The following EXD3 variants were observed in gnomAD, a reference collection of about 807,000 sequenced individuals.
EXD3 encodes the protein exonuclease mut-7 homolog.
In EXD3, 92 loss-of-function variants were observed where a neutral mutation model predicts 98.0. The ratio of observed to expected loss-of-function variants is 0.94; its 90% CI spans 0.79 to 1.12. The LOEUF is 1.12. Ranked by LOEUF, EXD3 falls within the 50% of genes most tolerant of loss-of-function variation. EXD3 has a pLI of 0.00. For missense variants in EXD3, 1,222 were observed against 1,191.6 expected (o/e 1.03, Z -0.38); for synonymous variants, 569 against 526.0 (o/e 1.08, Z -1.12).
At chr9:137,350,933 C>T (rs1432993686) in intron 14 of EXD3, 105 bp downstream of exon 14, 20 of 866,102 alleles carry the variant, frequency 2.3e-5, no homozygotes, top group East Asian at 8.0e-5. Context: ...GACAGGAATC[C>T]GGCGGGAGAA....
At chr9:137,375,993 T>C (rs150131737) in intron 3 of EXD3, among the ~76,000 whole-genome samples, 1,602 of 152,254 alleles carry the variant, frequency 0.011, 15 homozygotes, top group Middle Eastern at 0.037. Context: ...TGTTCACTTA[T>C]ATTTTACTCT....
At chr9:137,326,119 GAAC>G (rs2119111502) in intron 17 of EXD3, among the ~76,000 whole-genome samples, 2 of 151,816 alleles carry the variant, frequency 1.3e-5, no homozygotes, top group East Asian at 3.9e-4. Flanking sequence ...AGACACAGGG[GAAC>G]ACTTCCTGGC....
At chr9:137,355,464 A>G (rs1412869231) in intron 8 of EXD3, among the ~76,000 whole-genome samples, 1 of 27,934 alleles carries the variant, frequency 3.6e-5, no homozygotes, top group Admixed American at 4.6e-4. Context: ...GGAAGGAGAA[A>G]GGAGGAAGGA....
chr9:137,414,950 C>T (rs1379818891), intron 1 of EXD3, among the ~76,000 whole-genome samples: 3 of 152,160 alleles, frequency 2.0e-5, no homozygotes, highest in South Asian at 2.1e-4. Flanking sequence ...TGCAGGGGGG[C>T]GATCTCGGCT....
chr9:137,409,637 T>G (rs1196971131), intron 1 of EXD3, among the ~76,000 whole-genome samples: 2 of 150,954 alleles, frequency 1.3e-5, no homozygotes, highest in Non-Finnish European at 3.0e-5. Context: ...GACCTAAAAA[T>G]GGCCAAGTGG....
intron 17 of EXD3, among the ~76,000 whole-genome samples, chr9:137,343,807 C>T (rs1406640297): frequency 6.7e-6 from 1 of 148,454 alleles, no homozygotes; most frequent in Non-Finnish European, 1.5e-5. Flanking sequence ...CCAGGGTGGT[C>T]TTGATCTCCT....
chr9:137,400,512 T>C (rs185873510), intron 1 of EXD3, among the ~76,000 whole-genome samples: 118 of 152,240 alleles, frequency 7.8e-4, no homozygotes, highest in South Asian at 2.1e-3. Context: ...ATTCTTATAA[T>C]CCCAGCACTT....
intron 2 of EXD3, among the ~76,000 whole-genome samples, chr9:137,394,794 A>G (rs1287814401): frequency 1.3e-5 from 2 of 152,116 alleles, no homozygotes; most frequent in Admixed American, 1.3e-4. Flanking sequence ...GGGAGGGCAG[A>G]TGTTCTTCTT....
At chr9:137,412,585 C>A (rs528204953) in intron 1 of EXD3, among the ~76,000 whole-genome samples, 10 of 152,110 alleles carry the variant, frequency 6.6e-5, no homozygotes, top group African/African-American at 2.2e-4. Flanking sequence ...AGGGTGGATA[C>A]CCCAGAGCCC....
chr9:137,417,266 G>A (rs73565529), intron 1 of EXD3, among the ~76,000 whole-genome samples: 2,823 of 152,336 alleles, frequency 0.019, 75 homozygotes, highest in African/African-American at 0.063. Flanking sequence ...GGGATGGCCA[G>A]TTTCCCACGG....
intron 7 of EXD3, among the ~76,000 whole-genome samples, chr9:137,359,025 C>A (rs1268002584): frequency 6.8e-6 from 1 of 146,622 alleles, no homozygotes; most frequent in African/African-American, 2.5e-5. Context: ...CGGCTCACTG[C>A]AAGCTCCGCC....
intron 3 of EXD3, 68 bp from the exon 4 acceptor site, chr9:137,373,667 C>A: frequency 6.9e-7 from 1 of 1,458,318 alleles, no homozygotes; most frequent in South Asian, 1.3e-5. Context: ...GGCCTCCCCA[C>A]CGCAGAGAGG....
At chr9:137,397,744 T>A (rs1370703597) in intron 1 of EXD3, among the ~76,000 whole-genome samples, 1 of 151,838 alleles carries the variant, frequency 6.6e-6, no homozygotes, top group African/African-American at 2.4e-5. Context: ...AGCCCAGGAG[T>A]TTGAGACCAT....
chr9:137,356,710 A>G (rs1345398053), intron 7 of EXD3, among the ~76,000 whole-genome samples: 2 of 152,166 alleles, frequency 1.3e-5, no homozygotes, highest in Non-Finnish European at 2.9e-5. Flanking sequence ...CTCACTGGTG[A>G]TATTCTGGCT....
intron 17 of EXD3, among the ~76,000 whole-genome samples, chr9:137,338,536 T>C (rs1374774641): frequency 2.0e-5 from 3 of 151,808 alleles, no homozygotes; most frequent in African/African-American, 4.8e-5. Context: ...ATTGATGAGA[T>C]AGACAACAAA....
At chr9:137,376,364 A>G (rs1161894539) in intron 3 of EXD3, among the ~76,000 whole-genome samples, 1 of 151,036 alleles carries the variant, frequency 6.6e-6, no homozygotes, top group Non-Finnish European at 1.5e-5. Flanking sequence ...AAAAAAAAAA[A>G]AAAAGAAATG....
In EXD3 at chr9:137,348,109, T is replaced by G; in HGVS notation, c.1960A>C (p.Met654Leu). 6.2e-7 allele frequency: 1 copy of G among 1,612,050 alleles called. No individual in the cohort carries two copies. The highest frequency in any genetic ancestry group is 1.1e-5 in the South Asian group (1 of 90,984). ...CGGTGGTCTTCACCATTGCCCAGCA[T>G]GCGTGCATCCACACCGAGACAGCGG... is the stretch of plus-strand genomic sequence containing the variant. ...SLRCLGVDAR[M>L]LGNGEDHRRA... Residue 654 changes from methionine to leucine, a missense_variant, in exon 17 of 22, where the codon ATG becomes CTG. Coordinates refer to ENST00000340951, the MANE Select transcript of EXD3 (RefSeq NM_017820.5).
intron 5 of EXD3, among the ~76,000 whole-genome samples, chr9:137,369,012 C>T (rs1835437608): frequency 7.5e-6 from 1 of 133,486 alleles, no homozygotes; most frequent in Non-Finnish European, 1.6e-5. Context: ...GGGGGCTTCT[C>T]AGAGCCGTGT....
intron 7 of EXD3, chr9:137,366,085 T>C (rs1195651056): frequency 2.2e-5 from 15 of 688,252 alleles, no homozygotes; most frequent in Non-Finnish European, 2.7e-5. Flanking sequence ...AGGCACCATA[T>C]GGGCTCCTTG....
Sources: allele counts gnomAD v4.1 joint callset (sites outside exome capture counted in the v4.1 genomes callset), GRCh38; gene constraint gnomAD v4.1.1; transcripts MANE v1.5; gene names NCBI Gene and HGNC (gene_info 2026-07-23, HGNC 2026-07-21).